Variants in ELOA observed in about 807,000 individuals in gnomAD.
ELOA encodes elongin A, also known as elongin-A.
A neutral mutation model predicts 85.2 loss-of-function variants in ELOA; 15 were observed. The ratio of observed to expected loss-of-function variants is 0.18; its 90% CI spans 0.12 to 0.27. The LOEUF (loss-of-function observed/expected upper bound fraction) is 0.27. ELOA is among the 10% of genes least tolerant of loss of function. The probability of loss-of-function intolerance (pLI) is 1.00; values close to 1 mark genes in which losing one functional copy is unlikely to be tolerated. For synonymous variants in ELOA, 348 were observed against 357.2 expected, an observed-to-expected ratio of 0.97 and a Z score of 0.29; for missense variants, 769 against 952.7, an observed-to-expected ratio of 0.81 and a Z score of 2.54.
At position 23,751,304 on chromosome 1, in the gene ELOA, C is replaced by G; in HGVS notation, c.699C>G (p.Pro233=). The G allele has an allele frequency of 1.2e-6, 2 of 1,614,144 alleles. No individual in the cohort carries two copies. The highest frequency in any genetic ancestry group is 1.7e-6 in the Non-Finnish European group (2 of 1,180,024). Residue 233 remains proline (P), a synonymous_variant, in exon 4 of 11, where the codon CCC becomes CCG. Coordinates refer to ENST00000613537, the MANE Select transcript of ELOA (RefSeq NM_003198.3). ...GCCAAGAACGACACCTGGGTGAACC[C>G]CATGGGAAAGGGGTTGTGAGTCAAA... ...GASQERHLGE[P]HGKGVVSQNK...
rs1330829353 is a variant in ELOA at position 23,761,152 on chromosome 1, C to CT, written c.*1580dup. The CT allele has an allele frequency of 6.6e-6, 1 of 152,124 alleles. No individual in the cohort carries two copies. The highest frequency in any genetic ancestry group is 1.5e-5 in the Non-Finnish European group (1 of 68,016). The allele number at this position is 152,124 out of a possible 1,614,324, so 9.4% of individuals were successfully genotyped here. ...CAGTGTGTATTGCTGTGCAGGGTGC[C>CT]TATTGTGACAGGACACAAATGTTAC... On this transcript the variant is annotated 3_prime_UTR_variant, in exon 11 of 11. Transcript: ENST00000613537.
At chr1:23,758,251 ATTTATTTATTTTTTTTTTTTTTTT>A (rs1299241658) in intron 10 of ELOA, among the ~76,000 whole-genome samples, 7 of 48,564 alleles carry the variant, frequency 1.4e-4, no homozygotes, top group East Asian at 1.3e-3. Flanking sequence ...CTTCCAATTT[ATTTATTTATTTTTTTTTTTTTTTT>A]TTTTTTTTTT....
intron 5 of ELOA, among the ~76,000 whole-genome samples, chr1:23,753,880 T>C (rs1432505434): frequency 6.6e-6 from 1 of 152,098 alleles, no homozygotes; most frequent in South Asian, 2.1e-4. Flanking sequence ...AGGTGCATGT[T>C]GGGCAGGCTG....
Position 23,751,617 on chromosome 1 carries a change from T to C in ELOA, c.1012T>C (p.Leu338=), listed in dbSNP as rs761531974. ...PKHRDPEKAK[L]DKSKQGLDSF... is the part of the protein sequence containing the mutation. The stretch of plus-strand genomic sequence containing the variant: ...GCACAGAGACCCAGAGAAAGCCAAA[T>C]TGGACAAAAGCAAGCAAGGTCTGGA... The change falls in exon 4 of 11, where the codon TTG becomes CTG. Residue 338 remains leucine, a synonymous_variant. Transcript: ENST00000613537. The C allele has an allele frequency of 1.2e-5, 19 of 1,613,868 alleles. No homozygotes were observed. Among genetic ancestry groups the C allele is most frequent in the African/African-American group, 4.0e-5 (3 of 74,860 alleles).
Position 23,751,764 on chromosome 1 carries a change from T to G in ELOA, c.1159T>G (p.Ser387Ala). 1 of 1,613,874 alleles carries G rather than the reference T, an allele frequency of 6.2e-7. No homozygotes were observed. The highest frequency in any genetic ancestry group is 8.5e-7 in the Non-Finnish European group (1 of 1,179,976). The stretch of plus-strand genomic sequence containing the variant: ...TAATTTGGATAGAAAGTCACTGGGC[T>G]CCCTCCCTAAAGTTGAGGAGACAGA... ...KTNLDRKSLG[S>A]LPKVEETDME... is the part of the protein sequence containing the mutation. The change falls in exon 4 of 11, where the codon TCC (serine) becomes GCC (alanine). Residue 387 changes from serine to alanine, a missense_variant. By Grantham distance (99) the Ser-to-Ala change is moderately conservative. Around this residue, in one of 4 missense-constraint regions of ELOA, gnomAD observed 440 missense variants for 474.0 expected, o/e 0.93. Transcript: ENST00000613537.
intron 10 of ELOA, among the ~76,000 whole-genome samples, chr1:23,758,253 TTA>T (rs1491082463): frequency 4.3e-4 from 24 of 56,350 alleles, no homozygotes; most frequent in African/African-American, 1.6e-3. Flanking sequence ...TCCAATTTAT[TTA>T]TTTATTTTTT....
rs746975181 is a variant in ELOA, at chr1:23,751,593, C to T, written c.988C>T (p.His330Tyr). 9 of 1,614,110 alleles carry T rather than the reference C, an allele frequency of 5.6e-6. No homozygotes were observed. In the South Asian group the frequency reaches 9.9e-5, roughly 18 times the overall value. Reference protein sequence around the residue: ...ASDNHLKKPKHRDPEKAKLDK... With the variant: ...ASDNHLKKPKYRDPEKAKLDK... Reference sequence around the variant, plus strand: ...AGACAACCACCTGAAAAAGCCAAAGCACAGAGACCCAGAGAAAGCCAAATT... The same window carrying T: ...AGACAACCACCTGAAAAAGCCAAAGTACAGAGACCCAGAGAAAGCCAAATT... Residue 330 changes from histidine (H) to tyrosine (Y), a missense_variant, in exon 4 of 11, where the codon CAC (histidine) becomes TAC (tyrosine). By Grantham distance (83) the His-to-Tyr change is moderately conservative. Around this residue, in one of 4 missense-constraint regions of ELOA, gnomAD observed 440 missense variants for 474.0 expected, o/e 0.93. Transcript: ENST00000613537.
chr1:23,745,746 T>C (rs1644743333), intron 1 of ELOA, among the ~76,000 whole-genome samples: 1 of 152,216 alleles, frequency 6.6e-6, no homozygotes, highest in Non-Finnish European at 1.5e-5. Context: ...CTCCTACAGG[T>C]TGTATGTGAA....
In ELOA at chr1:23,761,734, C is replaced by T. The variant is rs202115214; in HGVS notation, c.*2161C>T. The stretch of plus-strand genomic sequence containing the variant: ...AGACACAGGATGAATTTGAACCTGA[C>T]ACAGGATGAATTTGAACCTTTGGTC... On this transcript the variant is annotated 3_prime_UTR_variant, in exon 11 of 11. Transcript: ENST00000613537. 3 of 151,988 alleles carry T rather than the reference C, an allele frequency of 2.0e-5. No individual in the cohort carries two copies. The highest frequency in any genetic ancestry group is 4.4e-5 in the Non-Finnish European group (3 of 67,872). The allele number at this position is 151,988 out of a possible 1,614,324, so 9.4% of individuals were successfully genotyped here. A position where few individuals can be genotyped will look rare whatever the true frequency, so the allele number is the denominator to read the frequency against.
At chr1:23,754,706 T>A (rs941078665) in intron 7 of ELOA, among the ~76,000 whole-genome samples, 3 of 152,090 alleles carry the variant, frequency 2.0e-5, no homozygotes, top group Non-Finnish European at 4.4e-5. Context: ...ACACTTAACA[T>A]CTCCCTTGAG....
intron 7 of ELOA, 64 bp from the exon 8 acceptor site, chr1:23,755,779 C>CAAA (rs371132818): frequency 1.0e-4 from 115 of 1,101,504 alleles, no homozygotes; most frequent in Non-Finnish European, 1.1e-4. Flanking sequence ...GACTCTGTCT[C>CAAA]AAAAAAAAAA....
In ELOA at chr1:23,759,523, A is replaced by G. The variant is rs377120804; in HGVS notation, c.2269A>G (p.Met757Val). Residue 757 changes from methionine (M) to valine (V), a missense_variant, in exon 11 of 11, where the codon ATG (methionine) becomes GTG (valine). Physicochemically the swap from Met to Val is conservative, Grantham distance 21. Around this residue, in one of 4 missense-constraint regions of ELOA, gnomAD observed 116 missense variants for 141.0 expected, o/e 0.82. Transcript: ENST00000613537. ...RKPTVKKIAP[M>V]MAKTIKAFKN... ...TTCTCTTTTCACAGAAATTGCCCCAATGATGGCCAAGACAATTAAAGCTTT... is the reference window on the plus strand; with the variant it reads ...TTCTCTTTTCACAGAAATTGCCCCAGTGATGGCCAAGACAATTAAAGCTTT... The G allele has an allele frequency of 3.7e-6, 6 of 1,614,226 alleles. No homozygotes were observed. Among genetic ancestry groups the G allele is most frequent in the South Asian group, 1.1e-5 (1 of 91,082 alleles).
At position 23,751,882 on chromosome 1, in the gene ELOA, C is replaced by T. The variant is rs141899107; in HGVS notation, c.1277C>T (p.Thr426Ile). Reference protein sequence around the residue: ...PRKKKKKIVKTSATALGDKGL... With the variant: ...PRKKKKKIVKISATALGDKGL... ...AAGAAAAAGAAAAAGATTGTGAAAA[C>T]TTCAGCCACGGCACTTGGAGATAAA... The change falls in exon 4 of 11, where the codon ACT becomes ATT. Residue 426 changes from threonine (T) to isoleucine (I), a missense_variant. Physicochemically the swap from Thr to Ile is moderately conservative, Grantham distance 89. Around this residue, in one of 4 missense-constraint regions of ELOA, gnomAD observed 193 missense variants for 278.9 expected, o/e 0.69. Coordinates refer to ENST00000613537, the MANE Select transcript of ELOA (RefSeq NM_003198.3). The T allele has an allele frequency of 1.3e-3, 2,077 of 1,613,964 alleles. 10 individuals carry two copies. Among genetic ancestry groups the T allele is most frequent in the Middle Eastern group, 0.011 (65 of 6,062 alleles).
intron 9 of ELOA, 106 bp downstream of exon 9, chr1:23,756,491 G>T (rs1375652427): frequency 8.2e-6 from 8 of 979,498 alleles, no homozygotes; most frequent in Non-Finnish European, 1.2e-5. Context: ...AGTGCAGACT[G>T]TGGGCTCTGG....
Position 23,761,032 on chromosome 1 carries a change from G to C in ELOA, c.*1459G>C, listed in dbSNP as rs1234275678. On this transcript the variant is annotated 3_prime_UTR_variant, in exon 11 of 11. Coordinates refer to ENST00000613537, the MANE Select transcript of ELOA (RefSeq NM_003198.3). Reference sequence around the variant, plus strand: ...AAGTTTTCTCAAAGCCCAGGATACAGAGCCAGTGTTTTCTGTAACTGGAGA... The same window carrying C: ...AAGTTTTCTCAAAGCCCAGGATACACAGCCAGTGTTTTCTGTAACTGGAGA... 5 of 152,294 alleles carry C rather than the reference G, an allele frequency of 3.3e-5. No homozygotes were observed. Among genetic ancestry groups the C allele is most frequent in the Admixed American group, 2.0e-4 (3 of 15,298 alleles). The allele number at this position is 152,294 out of a possible 1,614,324, so 9.4% of individuals were successfully genotyped here. A position where few individuals can be genotyped will look rare whatever the true frequency, so the allele number is the denominator to read the frequency against.
At chr1:23,750,336 C>A (rs921908506) in intron 3 of ELOA, among the ~76,000 whole-genome samples, 1 of 151,854 alleles carries the variant, frequency 6.6e-6, no homozygotes, top group East Asian at 1.9e-4. Flanking sequence ...CCACCACGCC[C>A]GGCTAATTTT....
rs779874317 is a variant in ELOA, at chr1:23,751,892, G to T, written c.1287G>T (p.Thr429=). The stretch of plus-strand genomic sequence containing the variant: ...AAAAGATTGTGAAAACTTCAGCCAC[G>T]GCACTTGGAGATAAAGGACTTAAAA... ...KKKKIVKTSA[T]ALGDKGLKKN... is the part of the protein sequence containing the mutation. The change falls in exon 4 of 11, where the codon ACG becomes ACT. Residue 429 remains threonine, a synonymous_variant. Coordinates refer to ENST00000613537, the MANE Select transcript of ELOA (RefSeq NM_003198.3). 1 of 1,613,906 alleles carries T rather than the reference G, an allele frequency of 6.2e-7. No homozygotes were observed. Among genetic ancestry groups the T allele is most frequent in the Non-Finnish European group, 8.5e-7 (1 of 1,180,028 alleles).
rs1373943016 is a variant in ELOA, at chr1:23,755,914, A to G, written c.1863A>G (p.Glu621=). The G allele has an allele frequency of 2.2e-5, 36 of 1,613,926 alleles. No individual in the cohort carries two copies. Among genetic ancestry groups the G allele is most frequent in the Non-Finnish European group, 3.1e-5 (36 of 1,180,000 alleles). The change falls in exon 8 of 11, where the codon GAA becomes GAG. Residue 621 remains glutamate, a synonymous_variant. Transcript: ENST00000613537. ...GAGACTTTAAGGAAGAAAGACCCGA[A>G]GAGTATGAGTCGTGGCGAGAGATGT... ...CHRDFKEERP[E]EYESWREMYL... is the part of the protein sequence containing the mutation.
intron 1 of ELOA, among the ~76,000 whole-genome samples, chr1:23,744,604 C>T (rs1351908693): frequency 6.6e-6 from 1 of 152,072 alleles, no homozygotes; most frequent in African/African-American, 2.4e-5. Flanking sequence ...AGGCGCCCGC[C>T]ACCACGCCTG....
Sources: gnomAD v4.1 joint callset for allele counts (sites outside exome capture counted in the v4.1 genomes callset) on GRCh38, gnomAD v4.1.1 for gene constraint, gnomAD v4.1.1 regional missense constraint, MANE v1.5 for transcripts, NCBI Gene and HGNC (gene_info 2026-07-23, HGNC 2026-07-21) for gene names.